PLXNA4: variants seen among roughly 807,000 people sequenced by gnomAD.
The protein encoded by PLXNA4 is plexin-A4.
PLXNA4 carries 44 observed loss-of-function variants against 191.8 expected under a neutral mutation model. The ratio of observed to expected loss-of-function variants is 0.23; its 90% CI spans 0.18 to 0.29. The LOEUF is 0.29. Among genes scored for constraint, PLXNA4 ranks in the 10% least tolerant of loss-of-function variants. PLXNA4 has a pLI of 1.00. For missense variants in PLXNA4, 1,800 were observed against 2,488.8 expected (o/e 0.72, Z 5.89); for synonymous variants, 1,082 against 1,009.5 (o/e 1.07, Z -1.36).
chr7:132,467,043 T>TGCA (rs1168453335), intron 3 of PLXNA4, among the ~76,000 whole-genome samples: 3 of 152,176 alleles, frequency 2.0e-5, no homozygotes, highest in African/African-American at 7.2e-5. Context: ...TCAGGTAAAC[T>TGCA]GCACACTACT....
intron 2 of PLXNA4, among the ~76,000 whole-genome samples, chr7:132,586,551 G>T (rs1358567618): frequency 6.6e-6 from 1 of 152,208 alleles, no homozygotes; most frequent in Non-Finnish European, 1.5e-5. Flanking sequence ...AGGAGTTCAA[G>T]ACCAGCCTGG....
intron 3 of PLXNA4, among the ~76,000 whole-genome samples, chr7:132,450,062 C>G (rs1796063744): frequency 6.6e-6 from 1 of 152,194 alleles, no homozygotes; most frequent in Non-Finnish European, 1.5e-5. Context: ...TCCCCTCTGT[C>G]CTCCAGGAAG....
At chr7:132,178,725 CACACACTTGTAAATGAAACACAT>C (rs1382929385) in intron 20 of PLXNA4, among the ~76,000 whole-genome samples, 68 of 122,556 alleles carry the variant, frequency 5.5e-4, no homozygotes, top group African/African-American at 2.2e-3. Context: ...CACACACACA[CACACACTTGTAAATGAAACACAT>C]ACACACACAC....
At chr7:132,443,129 G>T (rs1795757080) in intron 3 of PLXNA4, among the ~76,000 whole-genome samples, 2 of 152,190 alleles carry the variant, frequency 1.3e-5, no homozygotes, top group Admixed American at 6.5e-5. Flanking sequence ...TGTGTCTTCA[G>T]GGGCCTAGCT....
intron 4 of PLXNA4, among the ~76,000 whole-genome samples, chr7:132,245,125 A>C (rs2117053453): frequency 6.6e-6 from 1 of 152,232 alleles, no homozygotes; most frequent in South Asian, 2.1e-4. Context: ...TAAAGTCTTA[A>C]GCTGCAGTGC....
chr7:132,239,293 G>T (rs1798803060), intron 5 of PLXNA4, among the ~76,000 whole-genome samples: 2 of 152,174 alleles, frequency 1.3e-5, no homozygotes, highest in South Asian at 2.1e-4. Context: ...GGAGGTGGGG[G>T]TTCTCACAGT....
At chr7:132,516,088 A>G (rs1341133188) in intron 1 of PLXNA4, among the ~76,000 whole-genome samples, 5 of 152,322 alleles carry the variant, frequency 3.3e-5, no homozygotes, top group Admixed American at 1.3e-4. Context: ...GTACAGCTGA[A>G]GTACAAAGTA....
At chr7:132,305,868 T>C (rs1268345916) in intron 3 of PLXNA4, among the ~76,000 whole-genome samples, 1 of 151,964 alleles carries the variant, frequency 6.6e-6, no homozygotes. Flanking sequence ...TCCCTTCACA[T>C]CCTCCCCAAA....
intron 4 of PLXNA4, among the ~76,000 whole-genome samples, chr7:132,270,116 A>G (rs887322402): frequency 1.3e-5 from 2 of 152,256 alleles, no homozygotes; most frequent in Non-Finnish European, 2.9e-5. Context: ...ATGAAGAAAC[A>G]AGGACATAGC....
chr7:132,598,036 A>G (rs1037300511), intron 2 of PLXNA4, among the ~76,000 whole-genome samples: 6 of 152,150 alleles, frequency 3.9e-5, no homozygotes, highest in Non-Finnish European at 7.4e-5. Flanking sequence ...TCTGTGTCAT[A>G]TGGTTAACAA....
chr7:132,220,665 G>A (rs1007884681), intron 9 of PLXNA4, among the ~76,000 whole-genome samples: 5 of 151,980 alleles, frequency 3.3e-5, no homozygotes, highest in Admixed American at 1.3e-4. Context: ...CATCCTCTGA[G>A]ATGCTGTGAA....
At chr7:132,561,531 CCTT>C (rs1801068991) in intron 1 of PLXNA4, among the ~76,000 whole-genome samples, 1 of 110,612 alleles carries the variant, frequency 9.0e-6, no homozygotes. Flanking sequence ...TCCTCCTCCT[CCTT>C]CTCCTCCTCC....
intron 31 of PLXNA4, among the ~76,000 whole-genome samples, chr7:132,132,448 T>C (rs55787051): frequency 0.14 from 9,275 of 66,960 alleles, 964 homozygotes; most frequent in Admixed American, 0.2. Flanking sequence ...TTCTGTTCTG[T>C]TCTGTTCTGT....
At chr7:132,495,455 G>C (rs1797974662) in intron 2 of PLXNA4, among the ~76,000 whole-genome samples, 2 of 152,300 alleles carry the variant, frequency 1.3e-5, no homozygotes, top group African/African-American at 4.8e-5. Context: ...AGGCAGACCA[G>C]GTGACCAGCA....
chr7:132,545,935 G>C (rs185421093), intron 1 of PLXNA4, among the ~76,000 whole-genome samples: 2 of 152,332 alleles, frequency 1.3e-5, no homozygotes, highest in East Asian at 3.9e-4. Context: ...CTAAGAAGAG[G>C]ACCAGCAGTT....
At chr7:132,160,713 C>T (rs990147615) in intron 24 of PLXNA4, among the ~76,000 whole-genome samples, 2 of 152,170 alleles carry the variant, frequency 1.3e-5, no homozygotes, top group Non-Finnish European at 2.9e-5. Flanking sequence ...CTCTCTCCTT[C>T]TCGGAACTTT....
intron 3 of PLXNA4, chr7:132,385,163 A>T: frequency 6.2e-7 from 1 of 1,613,226 alleles, no homozygotes; most frequent in Non-Finnish European, 8.5e-7. Flanking sequence ...ACACTAAATA[A>T]GCCTACACAG....
At chr7:132,611,742 G>C (rs1371870351) in intron 2 of PLXNA4, among the ~76,000 whole-genome samples, 1 of 152,222 alleles carries the variant, frequency 6.6e-6, no homozygotes, top group African/African-American at 2.4e-5. Context: ...CCTGTAGTGA[G>C]AGAGAACCAG....
intron 4 of PLXNA4, among the ~76,000 whole-genome samples, chr7:132,292,721 C>T (rs1800938808): frequency 1.3e-5 from 2 of 152,146 alleles, no homozygotes; most frequent in African/African-American, 4.8e-5. Flanking sequence ...AACTTATATG[C>T]TAATTCATAG....
Sources: gnomAD v4.1 joint callset for allele counts (sites outside exome capture counted in the v4.1 genomes callset) on GRCh38, gnomAD v4.1.1 for gene constraint, MANE v1.5 for transcripts, NCBI Gene and HGNC (gene_info 2026-07-23, HGNC 2026-07-21) for gene names.